Variants in TMEM44 observed in about 807,000 individuals in gnomAD.
TMEM44 encodes the protein transmembrane protein 44.
TMEM44 carries 43 observed loss-of-function variants against 47.8 expected under a neutral mutation model. The ratio of observed to expected loss-of-function variants is 0.90; its 90% CI spans 0.70 to 1.16. TMEM44 has a LOEUF of 1.16. Among genes scored for constraint, TMEM44 ranks in the 50% most tolerant of loss-of-function variants. The pLI is 0.00. For missense variants in TMEM44, 568 were observed against 555.2 expected (o/e 1.02, Z -0.23); for synonymous variants, 277 against 238.8 (o/e 1.16, Z -1.48).
Position 194,617,767 on chromosome 3 carries a change from G to A in TMEM44, c.613-498C>T, listed in dbSNP as rs779430075. ...TGTTGAGTCGTAATCCCCAGTGTCGGAGGTGGGGCCTGGTGGGAGGTGGTT... is the reference window on the plus strand; with the variant it reads ...TGTTGAGTCGTAATCCCCAGTGTCGAAGGTGGGGCCTGGTGGGAGGTGGTT... On this transcript the variant is annotated intron_variant, in intron 5 of 9. Transcript: ENST00000347147. The A allele has an allele frequency of 1.1e-5, 8 of 703,418 alleles. No individual in the cohort carries two copies. The East Asian group carries it at 2.1e-4, about 19-fold the overall frequency. The allele number at this position is 703,418 out of a possible 1,614,324, so 43.6% of individuals were successfully genotyped here. A position where few individuals can be genotyped will look rare whatever the true frequency, so the allele number is the denominator to read the frequency against.
intron 7 of TMEM44, 147 bp downstream of exon 7, chr3:194,615,422 C>T (rs775758506): frequency 1.0e-4 from 120 of 1,144,300 alleles, no homozygotes; most frequent in Non-Finnish European, 1.4e-4. Flanking sequence ...ATTCCCTCAG[C>T]GAGACAGGAC....
intron 2 of TMEM44, among the ~76,000 whole-genome samples, chr3:194,627,804 C>T (rs1462405236): frequency 6.6e-6 from 1 of 151,970 alleles, no homozygotes; most frequent in Non-Finnish European, 1.5e-5. Context: ...CATGGTGAAA[C>T]CCCATCTCTA....
intron 8 of TMEM44, among the ~76,000 whole-genome samples, chr3:194,609,973 A>G (rs920754844): frequency 6.6e-6 from 1 of 152,148 alleles, no homozygotes; most frequent in South Asian, 2.1e-4. Flanking sequence ...TCACACCTGT[A>G]GTCCCAGCAC....
At chr3:194,599,951 G>A (rs893276367) in intron 9 of TMEM44, among the ~76,000 whole-genome samples, 2 of 151,988 alleles carry the variant, frequency 1.3e-5, no homozygotes, top group African/African-American at 4.8e-5. Flanking sequence ...GTTGAGATGG[G>A]GTTTGACCAT....
chr3:194,617,092 T>C lies in TMEM44; in HGVS notation c.783+7A>G. The stretch of plus-strand genomic sequence containing the variant: ...AGCAGGGAGCTCCCCAGGCCTGGGG[T>C]GGATACAGCGAGGTCCAGTGCCGCA... On this transcript the variant is annotated splice_region_variant and intron_variant, in intron 6 of 9. Coordinates refer to ENST00000347147, the MANE Select transcript of TMEM44 (RefSeq NM_001011655.3). 2 of 1,503,276 alleles carry C rather than the reference T, an allele frequency of 1.3e-6. No individual in the cohort carries two copies. Among genetic ancestry groups the C allele is most frequent in the South Asian group, 1.3e-5 (1 of 77,046 alleles). 93.1% of individuals were successfully genotyped at this position (1,503,276 alleles called of 1,614,324 possible).
At chr3:194,594,065 G>A (rs1167848925) in intron 9 of TMEM44, among the ~76,000 whole-genome samples, 1 of 151,988 alleles carries the variant, frequency 6.6e-6, no homozygotes, top group Admixed American at 6.6e-5. Context: ...TCCCACCCTG[G>A]CCACCCAAAA....
intron 5 of TMEM44, among the ~76,000 whole-genome samples, chr3:194,618,401 T>C (rs1039390280): frequency 9.3e-5 from 14 of 150,764 alleles, no homozygotes; most frequent in Non-Finnish European, 2.1e-4. Flanking sequence ...TACATACTTA[T>C]ATATTTAAAT....
chr3:194,615,930 G>A (rs1715832389), intron 6 of TMEM44, among the ~76,000 whole-genome samples: 2 of 152,144 alleles, frequency 1.3e-5, no homozygotes. Flanking sequence ...CAAGGACATG[G>A]TAAATATTTG....
At chr3:194,631,356 G>A (rs1717809497) in intron 1 of TMEM44, among the ~76,000 whole-genome samples, 1 of 151,822 alleles carries the variant, frequency 6.6e-6, no homozygotes, top group African/African-American at 2.4e-5. Flanking sequence ...CCACTCAGCA[G>A]AGGGTGGTGC....
intron 1 of TMEM44, among the ~76,000 whole-genome samples, chr3:194,631,286 T>G (rs1454609150): frequency 6.6e-6 from 1 of 152,194 alleles, no homozygotes; most frequent in Non-Finnish European, 1.5e-5. Context: ...TTGTCGTACC[T>G]GCCTCCTTGC....
intron 9 of TMEM44, among the ~76,000 whole-genome samples, chr3:194,597,703 A>T (rs1316537560): frequency 6.6e-6 from 1 of 152,094 alleles, no homozygotes; most frequent in Non-Finnish European, 1.5e-5. Flanking sequence ...CTACAGGAGC[A>T]GTGAACTTCA....
Position 194,604,322 on chromosome 3 carries a change from A to T in TMEM44, c.1141T>A (p.Ser381Thr), listed in dbSNP as rs1714519015. The change falls in exon 9 of 10, where the codon TCC becomes ACC. Residue 381 changes from serine (S) to threonine (T), a missense_variant. Physicochemically the swap from Ser to Thr is moderately conservative, Grantham distance 58 (BLOSUM62 1). Transcript: ENST00000347147. The stretch of plus-strand genomic sequence containing the variant: ...GAGTTGATGGAGGAGACCTCAGAGG[A>T]GCTGCCGGAAGACACCCGGGCCCGG... Reference protein sequence around the residue: ...VIRARVSSGSSSEVSSINSDL... With the variant: ...VIRARVSSGSTSEVSSINSDL... 1.9e-6 allele frequency: 3 copies of T among 1,579,852 alleles called. No individual in the cohort carries two copies. The highest frequency in any genetic ancestry group is 8.6e-7 in the Non-Finnish European group (1 of 1,163,594).
intron 9 of TMEM44, chr3:194,590,006 G>A (rs1712429446): frequency 6.6e-6 from 1 of 152,240 alleles, no homozygotes; most frequent in South Asian, 2.1e-4. Flanking sequence ...CAAAGGCTGT[G>A]TCTGCCTGGG....
chr3:194,623,376 C>T (rs1716788226), intron 4 of TMEM44, 66 bp from the exon 5 acceptor site: 4 of 1,532,954 alleles, frequency 2.6e-6, no homozygotes, highest in African/African-American at 2.8e-5. Flanking sequence ...CCCCAAGAAA[C>T]AGCCAAAGCT....
At chr3:194,603,077 C>A (rs1025744614) in intron 9 of TMEM44, among the ~76,000 whole-genome samples, 17 of 152,180 alleles carry the variant, frequency 1.1e-4, no homozygotes, top group Admixed American at 1.1e-3. Flanking sequence ...GACATACAAG[C>A]GGCCGCTACA....
intron 5 of TMEM44, among the ~76,000 whole-genome samples, chr3:194,618,783 C>G (rs1412097615): frequency 6.6e-6 from 1 of 152,142 alleles, no homozygotes. Flanking sequence ...GTTTAATTCT[C>G]AAAAAGAATC....
chr3:194,623,127 T>C, intron 5 of TMEM44, 97 bp downstream of exon 5: 1 of 1,198,802 alleles, frequency 8.3e-7, no homozygotes, highest in Non-Finnish European at 1.2e-6. Context: ...GCACCCACGG[T>C]GACGCCACAC....
At chr3:194,619,012 G>C (rs1210467983) in intron 5 of TMEM44, among the ~76,000 whole-genome samples, 2 of 152,242 alleles carry the variant, frequency 1.3e-5, no homozygotes, top group Admixed American at 1.3e-4. Flanking sequence ...TCTCACACAG[G>C]AAGCAGCACT....
At chr3:194,606,852 A>AT (rs1431402764) in intron 8 of TMEM44, among the ~76,000 whole-genome samples, 1 of 151,160 alleles carries the variant, frequency 6.6e-6, no homozygotes, top group Non-Finnish European at 1.5e-5. Context: ...AGGCTGAGGC[A>AT]TGAGAATCGA....
Sources: gnomAD v4.1 joint callset for allele counts (sites outside exome capture counted in the v4.1 genomes callset) on GRCh38, gnomAD v4.1.1 for gene constraint, MANE v1.5 for transcripts, NCBI Gene and HGNC (gene_info 2026-07-23, HGNC 2026-07-21) for gene names.